Variants in SFXN3 observed in about 807,000 individuals in gnomAD.
The protein encoded by SFXN3 is sideroflexin-3.
Under a neutral mutation model 40.4 loss-of-function variants are expected in SFXN3, and 31 were observed. The ratio of observed to expected loss-of-function variants is 0.77; its 90% CI spans 0.58 to 1.04. SFXN3 has a LOEUF of 1.04. Among genes scored for constraint, SFXN3 ranks in the 50% least tolerant of loss-of-function variants. SFXN3 has a pLI of 0.00. For missense variants in SFXN3, 366 were observed against 408.2 expected, an observed-to-expected ratio of 0.90 and a Z score of 0.89; for synonymous variants, 157 against 160.0, an observed-to-expected ratio of 0.98 and a Z score of 0.14.
chr10:101,036,587 AC>A lies in SFXN3; in HGVS notation c.507+30del, dbSNP rs771058829. On this transcript the variant is annotated intron_variant, in intron 6 of 11. Transcript: ENST00000393459. This position sits in a 1 kb window ranked among gnomAD's most constrained non-coding sequence, Gnocchi z 4.2. ...GTAAAGGCCCCTCACTCCCCTGACC[AC>A]CCCATTCATCCTCTATCTGCCTCCT... 1 of 1,612,822 alleles carries A rather than the reference AC, an allele frequency of 6.2e-7. No homozygotes were observed. Among genetic ancestry groups the A allele is most frequent in the Non-Finnish European group, 8.5e-7 (1 of 1,179,492 alleles).
intron 2 of SFXN3, among the ~76,000 whole-genome samples, chr10:101,034,368 A>G (rs1256590890): frequency 6.6e-6 from 1 of 152,246 alleles, no homozygotes; most frequent in Non-Finnish European, 1.5e-5. Context: ...TTGATTTTAT[A>G]CAACACATGT....
intron 2 of SFXN3, among the ~76,000 whole-genome samples, chr10:101,033,521 T>C (rs1214962298): frequency 6.6e-6 from 1 of 152,112 alleles, no homozygotes; most frequent in Non-Finnish European, 1.5e-5. Flanking sequence ...CACCCTTGCT[T>C]ACCTACCTAG....
At chr10:101,038,097 CTTTAATGCCG>C in intron 9 of SFXN3, 1 of 263,732 alleles carries the variant, frequency 3.8e-6, no homozygotes. Context: ...GAGAAGGGGT[CTTTAATGCCG>C]CAAAGGATGA....
In SFXN3 at chr10:101,034,857, T is replaced by C; in HGVS notation, c.161+2T>C. The C allele has an allele frequency of 1.2e-6, 2 of 1,612,632 alleles. No individual in the cohort carries two copies. Among genetic ancestry groups the C allele is most frequent in the East Asian group, 2.2e-5 (1 of 44,844 alleles). Reference sequence around the variant, plus strand: ...TCGGAACATCGTGCAGAACTACAGGTGACCACCCCTCAATCTGACCCTGTG... The same window carrying C: ...TCGGAACATCGTGCAGAACTACAGGCGACCACCCCTCAATCTGACCCTGTG... On this transcript the variant is annotated splice_donor_variant, in intron 3 of 11. Coordinates refer to ENST00000393459, the Ensembl canonical transcript of SFXN3. LOFTEE classifies it high-confidence loss of function.
chr10:101,032,190 C>G (rs927432636), intron 1 of SFXN3, 124 bp from the exon 2 acceptor site: 11 of 391,370 alleles, frequency 2.8e-5, no homozygotes, highest in Non-Finnish European at 4.1e-5. Flanking sequence ...CCCCTCCTCC[C>G]TTTGGCTGGG....
chr10:101,034,906 TTAATA>T (rs762137498), intron 3 of SFXN3, 51 bp downstream of exon 3: 138 of 1,588,612 alleles, frequency 8.7e-5, no homozygotes, highest in Admixed American at 3.5e-4. Context: ...TTTTCTGTGA[TTAATA>T]TAATATGTTT....
chr10:101,036,380 T>G lies in SFXN3; in HGVS notation c.432-106T>G. ...AGGGAAGGCTTCTTCTGCAAGGAGC[T>G]TCCCCTTTTATGCCTCATGTATTGA... is the stretch of plus-strand genomic sequence containing the variant. On this transcript the variant is annotated intron_variant, in intron 5 of 11. Coordinates refer to ENST00000393459, the Ensembl canonical transcript of SFXN3. This position sits in a 1 kb window ranked among gnomAD's most constrained non-coding sequence, Gnocchi z 4.2. 1 of 1,091,312 alleles carries G rather than the reference T, an allele frequency of 9.2e-7. No homozygotes were observed. The highest frequency in any genetic ancestry group is 1.4e-5 in the South Asian group (1 of 72,634). The allele number at this position is 1,091,312 out of a possible 1,614,324, so 67.6% of individuals were successfully genotyped here. A position where few individuals can be genotyped will look rare whatever the true frequency, so the allele number is the denominator to read the frequency against.
At position 101,035,027 on chromosome 10, in the gene SFXN3, A is replaced by T. The variant is rs939053938; in HGVS notation, c.161+172A>T. 1.2e-4 allele frequency among the ~76,000 whole-genome samples: 18 copies of T among 152,342 alleles called. 1 individual carries two copies. The South Asian group carries it at 1.9e-3, about 16-fold the overall frequency. ...GCTTTAACCCAAAGGATTTTAGGGC[A>T]TTTGGGTTGAGAAGATGGCATTGAT... is the stretch of plus-strand genomic sequence containing the variant. On this transcript the variant is annotated intron_variant, in intron 3 of 11. Transcript: ENST00000393459.
At chr10:101,032,450 C>A in exon 2 of SFXN3, 1 of 1,540,954 alleles carries the variant, frequency 6.5e-7, no homozygotes, top group Non-Finnish European at 8.7e-7. Flanking sequence ...GAGAGGAAGG[C>A]GGTTCTGAGA....
chr10:101,037,168 T>G, exon 8 of SFXN3: 1 of 1,613,866 alleles, frequency 6.2e-7, no homozygotes, highest in South Asian at 1.1e-5. Flanking sequence ...TTCCAGGTGG[T>G]GATTTCAAGA....
chr10:101,036,653 C>T lies in SFXN3; in HGVS notation c.508-70C>T, dbSNP rs1313250678. On this transcript the variant is annotated intron_variant, in intron 6 of 11. Transcript: ENST00000393459. This position sits in a 1 kb window ranked among gnomAD's most constrained non-coding sequence, Gnocchi z 4.2. ...CCTCCAGTTCTGACCTATATGCCCC[C>T]TATATCTCCCCAGAGTCCCTCACCA... 2 of 1,609,414 alleles carry T rather than the reference C, an allele frequency of 1.2e-6. No homozygotes were observed. Among genetic ancestry groups the T allele is most frequent in the Non-Finnish European group, 1.7e-6 (2 of 1,176,486 alleles).
chr10:101,038,516 A>G, intron 9 of SFXN3, 127 bp from the exon 10 acceptor site: 1 of 1,559,640 alleles, frequency 6.4e-7, no homozygotes, highest in Admixed American at 1.8e-5. Flanking sequence ...GCCTTGGGAG[A>G]AAGAAAACGG....
Position 101,036,815 on chromosome 10 carries a change from G to A in SFXN3, c.593+7G>A, listed in dbSNP as rs747777915. 5 of 1,612,632 alleles carry A rather than the reference G, an allele frequency of 3.1e-6. No individual in the cohort carries two copies. In the East Asian group the frequency reaches 1.1e-4, roughly 36 times the overall value. Reference sequence around the variant, plus strand: ...TCCCCCTGATGAGGCAGAGGTGAGTGACCCCGGCTCCTGGCATGTGCATGC... The same window carrying A: ...TCCCCCTGATGAGGCAGAGGTGAGTAACCCCGGCTCCTGGCATGTGCATGC... On this transcript the variant is annotated splice_region_variant and intron_variant, in intron 7 of 11. Transcript: ENST00000393459. This position sits in a 1 kb window ranked among gnomAD's most constrained non-coding sequence, Gnocchi z 4.2.
intron 7 of SFXN3, 56 bp from the exon 8 acceptor site, chr10:101,037,020 G>A (rs1938643738): frequency 1.2e-6 from 2 of 1,604,014 alleles, no homozygotes; most frequent in African/African-American, 2.7e-5. Context: ...GCTCATTCGG[G>A]CATTGCAGGT....
chr10:101,039,973 A>G lies in SFXN3; in HGVS notation c.*388A>G. On this transcript the variant is annotated 3_prime_UTR_variant, in exon 12 of 12. Coordinates refer to ENST00000393459, the Ensembl canonical transcript of SFXN3. This position sits in a 1 kb window ranked among gnomAD's most constrained non-coding sequence, Gnocchi z 4.6. ...GGCTACAGGTGTGACTTCCTTCTCT[A>G]AACTGTTACACCAGCCAAGTTATTT... 1 of 207,880 alleles carries G rather than the reference A, an allele frequency of 4.8e-6. No homozygotes were observed. Among genetic ancestry groups the G allele is most frequent in the Non-Finnish European group, 9.9e-6 (1 of 100,820 alleles). The allele number at this position is 207,880 out of a possible 1,614,324, so 12.9% of individuals were successfully genotyped here.
chr10:101,034,965 C>T (rs2134197579), intron 3 of SFXN3, 110 bp downstream of exon 3: 2 of 1,370,344 alleles, frequency 1.5e-6, no homozygotes, highest in South Asian at 2.7e-5. Flanking sequence ...GTCCCTCAAT[C>T]CCCTCACTCT....
At chr10:101,032,507 G>C (rs1938320809) in intron 2 of SFXN3, 25 bp downstream of exon 2, 1 of 1,531,756 alleles carries the variant, frequency 6.5e-7, no homozygotes, top group Admixed American at 2.1e-5. Context: ...TCCCCGGCGG[G>C]CGGGGTTCTG....
At position 101,037,213 on chromosome 10, in the gene SFXN3, G is replaced by A. The variant is rs763692381; in HGVS notation, c.721+10G>A. The A allele has an allele frequency of 1.2e-6, 2 of 1,613,954 alleles. No homozygotes were observed. Among genetic ancestry groups the A allele is most frequent in the Non-Finnish European group, 1.7e-6 (2 of 1,180,028 alleles). On this transcript the variant is annotated intron_variant, in intron 8 of 11. Coordinates refer to ENST00000393459, the Ensembl canonical transcript of SFXN3. ...GCGATTCCTGCCATGGGTAAGGCGG[G>A]AGTGGCTGGGTGGGGCATAGGAGAC...
At chr10:101,033,798 T>A (rs1748447177) in intron 2 of SFXN3, among the ~76,000 whole-genome samples, 1 of 152,092 alleles carries the variant, frequency 6.6e-6, no homozygotes, top group African/African-American at 2.4e-5. Context: ...AAAAAACATG[T>A]GAGCAAAAGA....
Sources: gnomAD v4.1 joint callset for allele counts (sites outside exome capture counted in the v4.1 genomes callset) on GRCh38, gnomAD v4.1.1 for gene constraint, Gnocchi (gnomAD v3.1) non-coding constraint, MANE v1.5 for transcripts, NCBI Gene and HGNC (gene_info 2026-07-23, HGNC 2026-07-21) for gene names.